The following NLN variants were observed in gnomAD, a reference collection of about 807,000 sequenced individuals.
NLN encodes neurolysin, mitochondrial.
In NLN, 64 loss-of-function variants were observed where a neutral mutation model predicts 79.9. That is an observed-to-expected ratio of 0.80 (90% confidence interval 0.65 to 0.99). The LOEUF is 0.99. Ranked by LOEUF, NLN falls within the 50% of genes least tolerant of loss-of-function variation. The pLI is 0.00. For synonymous variants in NLN, 267 were observed against 296.6 expected, an observed-to-expected ratio of 0.90 and a Z score of 1.02; for missense variants, 835 against 858.7, an observed-to-expected ratio of 0.97 and a Z score of 0.34.
intron 1 of NLN, among the ~76,000 whole-genome samples, chr5:65,727,866 A>G (rs535224133): frequency 9.2e-5 from 14 of 152,274 alleles, no homozygotes; most frequent in African/African-American, 3.1e-4. Flanking sequence ...TTCTGGGTTC[A>G]AGCAATTATC....
intron 11 of NLN, among the ~76,000 whole-genome samples, chr5:65,810,568 C>T (rs749396982): frequency 5.3e-5 from 8 of 151,980 alleles, no homozygotes; most frequent in Non-Finnish European, 8.8e-5. Context: ...TTATTTTTTC[C>T]ATCCCCTCAA....
chr5:65,819,452 T>A (rs1386302757), intron 12 of NLN, among the ~76,000 whole-genome samples: 1 of 152,188 alleles, frequency 6.6e-6, no homozygotes, highest in Admixed American at 6.5e-5. Context: ...TGAGCCAAGA[T>A]TCAAACCCGG....
At position 65,785,766 on chromosome 5, in the gene NLN, T is replaced by C; in HGVS notation, c.823-9T>C. 1 of 1,612,736 alleles carries C rather than the reference T, an allele frequency of 6.2e-7. No individual in the cohort carries two copies. The highest frequency in any genetic ancestry group is 8.5e-7 in the Non-Finnish European group (1 of 1,178,920). ...TAGCCTTTATTTTGTTGCTGTTGTTTATTACTAGGAAAACACCATAATTTT... is the reference window on the plus strand; with the variant it reads ...TAGCCTTTATTTTGTTGCTGTTGTTCATTACTAGGAAAACACCATAATTTT... On this transcript the variant is annotated splice_polypyrimidine_tract_variant and intron_variant, in intron 6 of 12. Transcript: ENST00000380985.
intron 9 of NLN, among the ~76,000 whole-genome samples, chr5:65,803,928 C>T (rs751124668): frequency 6.6e-6 from 1 of 152,220 alleles, no homozygotes; most frequent in African/African-American, 2.4e-5. Flanking sequence ...ATTGCAGAAT[C>T]GCAAGTTCAG....
intron 1 of NLN, among the ~76,000 whole-genome samples, chr5:65,723,783 C>G (rs1419343476): frequency 7.5e-6 from 1 of 133,626 alleles, no homozygotes. Flanking sequence ...CCACTGTACT[C>G]TAGCCTGGGC....
chr5:65,798,181 C>T (rs62370062), intron 9 of NLN, among the ~76,000 whole-genome samples: 16,090 of 152,180 alleles, frequency 0.11, 1,037 homozygotes, highest in Admixed American at 0.21. Context: ...AGGAAATATA[C>T]ACACTGCTTT....
At chr5:65,727,537 A>G (rs968841020) in intron 1 of NLN, among the ~76,000 whole-genome samples, 1 of 152,032 alleles carries the variant, frequency 6.6e-6, no homozygotes, top group South Asian at 2.1e-4. Context: ...AAAAAAAAAC[A>G]AAAAGCAAAA....
intron 1 of NLN, among the ~76,000 whole-genome samples, chr5:65,744,728 G>A (rs1221761151): frequency 6.6e-6 from 1 of 152,082 alleles, no homozygotes; most frequent in Non-Finnish European, 1.5e-5. Flanking sequence ...GTGAAACCTT[G>A]TCTCGACTAA....
At position 65,826,155 on chromosome 5, in the gene NLN, A is replaced by T. The variant is rs981537656; in HGVS notation, c.*3240A>T. 6.6e-6 allele frequency: 1 copy of T among 152,196 alleles called. No individual in the cohort carries two copies. The highest frequency in any genetic ancestry group is 2.4e-5 in the African/African-American group (1 of 41,426). The allele number at this position is 152,196 out of a possible 1,614,324, so 9.4% of individuals were successfully genotyped here. On this transcript the variant is annotated 3_prime_UTR_variant, in exon 13 of 13. Transcript: ENST00000380985. ...ACATGTTACAAATAGCTCTGTAGAG[A>T]GCCATGGGAAGAGACAGGAGGCAGA...
intron 1 of NLN, among the ~76,000 whole-genome samples, chr5:65,736,013 T>C (rs1160655024): frequency 6.6e-6 from 1 of 152,228 alleles, no homozygotes; most frequent in Non-Finnish European, 1.5e-5. Flanking sequence ...GAAAAATGTG[T>C]CAATATATAA....
chr5:65,783,868 G>T (rs142786223), intron 6 of NLN, among the ~76,000 whole-genome samples: 7 of 152,146 alleles, frequency 4.6e-5, no homozygotes, highest in African/African-American at 1.7e-4. Flanking sequence ...ATTACATTAT[G>T]TATGTTTCTC....
At chr5:65,746,736 G>T (rs1482187949) in intron 1 of NLN, among the ~76,000 whole-genome samples, 1 of 152,220 alleles carries the variant, frequency 6.6e-6, no homozygotes, top group Non-Finnish European at 1.5e-5. Flanking sequence ...CGGGCGCGGT[G>T]GCTCACGCCT....
chr5:65,758,576 T>G lies in NLN; in HGVS notation c.51T>G (p.Gly17=). 1 of 1,606,792 alleles carries G rather than the reference T, an allele frequency of 6.2e-7. No individual in the cohort carries two copies. The highest frequency in any genetic ancestry group is 8.5e-7 in the Non-Finnish European group (1 of 1,173,730). The part of the protein sequence containing the change: ...LAVRSLRRVG[G]SRILLRMTLG... Reference sequence around the variant, plus strand: ...TTCTGATTCTTTTTAGAGTTGGTGGTTCCAGGATTTTACTCAGAATGACGT... The same window carrying G: ...TTCTGATTCTTTTTAGAGTTGGTGGGTCCAGGATTTTACTCAGAATGACGT... Residue 17 remains glycine, a synonymous_variant, in exon 2 of 13, where the codon GGT becomes GGG. Transcript: ENST00000380985.
At chr5:65,753,424 G>A (rs1384332945) in intron 1 of NLN, among the ~76,000 whole-genome samples, 1 of 152,108 alleles carries the variant, frequency 6.6e-6, no homozygotes, top group Non-Finnish European at 1.5e-5. Flanking sequence ...CAAGGTGGGC[G>A]GATCACTTCC....
chr5:65,760,906 ATGTT>A (rs1385955892), intron 2 of NLN, among the ~76,000 whole-genome samples: 1 of 152,146 alleles, frequency 6.6e-6, no homozygotes, highest in East Asian at 1.9e-4. Flanking sequence ...CAAGTTTGTG[ATGTT>A]TGTTCTTGCT....
At position 65,785,839 on chromosome 5, in the gene NLN, A is replaced by G. The variant is rs777128756; in HGVS notation, c.887A>G (p.Tyr296Cys). 29 of 1,613,836 alleles carry G rather than the reference A, an allele frequency of 1.8e-5. No homozygotes were observed. Among genetic ancestry groups the G allele is most frequent in the South Asian group, 1.1e-5 (1 of 91,088 alleles). Residue 296 changes from tyrosine to cysteine, a missense_variant, in exon 7 of 13, where the codon TAT (tyrosine) becomes TGT (cysteine). Tyr to Cys is a radical substitution (Grantham distance 194). Coordinates refer to ENST00000380985, the MANE Select transcript of NLN (RefSeq NM_020726.5). ...ACCAAGGTGGCCAAACTACTCGGTT[A>G]TAGCACACATGCTGACTTCGTCCTT... ...LRTKVAKLLG[Y>C]STHADFVLEM...
At chr5:65,787,988 C>T in intron 7 of NLN, 130 bp from the exon 8 acceptor site, 1 of 865,954 alleles carries the variant, frequency 1.2e-6, no homozygotes, top group South Asian at 1.7e-5. Context: ...CCTCCTTTAC[C>T]TCTTTCCGCC....
Position 65,780,212 on chromosome 5 carries a change from C to A in NLN, c.592C>A (p.Leu198Ile). 2 of 1,423,198 alleles carry A rather than the reference C, an allele frequency of 1.4e-6. No individual in the cohort carries two copies. Among genetic ancestry groups the A allele is most frequent in the Non-Finnish European group, 2.0e-6 (2 of 1,013,662 alleles). 88.2% of individuals were successfully genotyped at this position (1,423,198 alleles called of 1,614,324 possible). A position where few individuals can be genotyped will look rare whatever the true frequency, so the allele number is the denominator to read the frequency against. The change falls in exon 5 of 13, where the codon CTA becomes ATA. Residue 198 changes from leucine to isoleucine, a missense_variant. Physicochemically the swap from Leu to Ile is conservative, Grantham distance 5 (BLOSUM62 2). Coordinates refer to ENST00000380985, the MANE Select transcript of NLN (RefSeq NM_020726.5). ...IKSMKKRMSELCIDFNKNLNE... is the reference protein window; with the variant it reads ...IKSMKKRMSEICIDFNKNLNE... ...ATCAATGAAGAAAAGAATGAGTGAG[C>A]TATGTATTGATTTTAACAAAAACCT...
chr5:65,823,152 T>C lies in NLN; in HGVS notation c.*237T>C. 3 of 398,550 alleles carry C rather than the reference T, an allele frequency of 7.5e-6. No homozygotes were observed. The highest frequency in any genetic ancestry group is 1.3e-5 in the Non-Finnish European group (3 of 224,022). The allele number at this position is 398,550 out of a possible 1,614,324, so 24.7% of individuals were successfully genotyped here. ...AAATTTCATAAAACTGGATTTGATT[T>C]CTTTTTATGAAAGTTTCATATGAAT... On this transcript the variant is annotated 3_prime_UTR_variant, in exon 13 of 13. Coordinates refer to ENST00000380985, the MANE Select transcript of NLN (RefSeq NM_020726.5).
Sources: gnomAD v4.1 joint callset for allele counts (sites outside exome capture counted in the v4.1 genomes callset) on GRCh38, gnomAD v4.1.1 for gene constraint, MANE v1.5 for transcripts, NCBI Gene and HGNC (gene_info 2026-07-23, HGNC 2026-07-21) for gene names.